NAALADL2: variants seen among roughly 807,000 people sequenced by gnomAD.
The protein encoded by NAALADL2 is inactive N-acetylated-alpha-linked acidic dipeptidase-like protein 2.
A neutral mutation model predicts 87.2 loss-of-function variants in NAALADL2; 76 were observed. The observed-to-expected ratio is 0.87, with a 90% CI of 0.72 to 1.05. The LOEUF (loss-of-function observed/expected upper bound fraction) is 1.05, where lower values mean the gene tolerates loss of function less well. Ranked by LOEUF, NAALADL2 falls within the 50% of genes least tolerant of loss-of-function variation. The pLI, the probability that NAALADL2 is intolerant of heterozygous loss-of-function variation, is 0.00. For missense variants in NAALADL2, 1,089 were observed against 945.8 expected (o/e 1.15, Z -1.99); for synonymous variants, 354 against 331.0 (o/e 1.07, Z -0.75).
Position 175,314,666 on chromosome 3 carries a change from CTATATATATATATATATATATATATATA to C in NAALADL2, c.940-9480_940-9453del, listed in dbSNP as rs60572633. Among the ~76,000 whole-genome samples, 234 of 30,770 alleles carry C rather than the reference CTATATATATATATATATATATATATATA, an allele frequency of 7.6e-3. 11 individuals are homozygous for C. The highest frequency in any genetic ancestry group is 0.02 in the African/African-American group (188 of 9,394). 20.2% of individuals were successfully genotyped at this position (30,770 alleles called of 152,430 possible). ...CGTTTTCTAGTATATATAGTTCTAA[CTATATATATATATATATATATATATATA>C]TATATATATATATATATATATATAT... is the stretch of plus-strand genomic sequence containing the variant. On this transcript the variant is annotated intron_variant, in intron 4 of 13. Coordinates refer to ENST00000454872, the MANE Select transcript of NAALADL2 (RefSeq NM_207015.3).
chr3:174,906,642 A>T (rs986960409), intron 1 of NAALADL2, among the ~76,000 whole-genome samples: 2 of 152,120 alleles, frequency 1.3e-5, no homozygotes, highest in Admixed American at 1.3e-4. Context: ...GCTTAGAAGC[A>T]GAATCAAACT....
chr3:175,166,041 T>A (rs79016413), intron 2 of NAALADL2, among the ~76,000 whole-genome samples: 14 of 27,590 alleles, frequency 5.1e-4, no homozygotes, highest in South Asian at 1.9e-3. Flanking sequence ...GACTCCATAT[T>A]TTTTTTTTTT....
intron 3 of NAALADL2, among the ~76,000 whole-genome samples, chr3:174,796,130 G>T (rs1315753287): frequency 3.3e-5 from 5 of 152,138 alleles, no homozygotes; most frequent in Non-Finnish European, 7.3e-5. Flanking sequence ...GAGATGCCTT[G>T]CACAGAAGAA....
chr3:175,098,645 C>G (rs1721577078), intron 2 of NAALADL2, among the ~76,000 whole-genome samples: 1 of 152,188 alleles, frequency 6.6e-6, no homozygotes, highest in Non-Finnish European at 1.5e-5. Context: ...GACTTACAAC[C>G]TGAGAAACTC....
chr3:175,001,270 T>C (rs1180854706), intron 1 of NAALADL2, among the ~76,000 whole-genome samples: 1 of 152,218 alleles, frequency 6.6e-6, no homozygotes, highest in Non-Finnish European at 1.5e-5. Context: ...AATCTGTATT[T>C]CTGACAAGCT....
intron 3 of NAALADL2, among the ~76,000 whole-genome samples, chr3:174,823,688 T>A (rs1467964651): frequency 6.6e-6 from 1 of 152,194 alleles, no homozygotes; most frequent in Non-Finnish European, 1.5e-5. Flanking sequence ...GTAACATAAG[T>A]TATTCTTTTT....
intron 5 of NAALADL2, among the ~76,000 whole-genome samples, chr3:175,388,192 G>C (rs992552775): frequency 2.0e-5 from 3 of 152,092 alleles, no homozygotes; most frequent in African/African-American, 7.2e-5. Flanking sequence ...ATTCAGAAGA[G>C]TCTGGTCATT....
intron 2 of NAALADL2, among the ~76,000 whole-genome samples, chr3:174,694,338 G>C (rs902069328): frequency 1.3e-5 from 2 of 152,054 alleles, no homozygotes; most frequent in African/African-American, 4.8e-5. Context: ...GAGGGTCATA[G>C]ATGGACCTGA....
At chr3:174,770,285 G>A (rs1455418411) in intron 3 of NAALADL2, among the ~76,000 whole-genome samples, 1 of 152,156 alleles carries the variant, frequency 6.6e-6, no homozygotes, top group African/African-American at 2.4e-5. Flanking sequence ...GATCTAATAG[G>A]TGACAAAAGT....
At chr3:175,518,515 A>T (rs1295094277) in intron 9 of NAALADL2, among the ~76,000 whole-genome samples, 1 of 152,214 alleles carries the variant, frequency 6.6e-6, no homozygotes, top group Non-Finnish European at 1.5e-5. Context: ...TAATTTATTT[A>T]AAAGGAAATT....
chr3:175,531,090 G>T (rs1266301738), intron 9 of NAALADL2, among the ~76,000 whole-genome samples: 2 of 152,128 alleles, frequency 1.3e-5, no homozygotes, highest in Admixed American at 1.3e-4. Context: ...GATCTGCTGG[G>T]TCATGTGGCC....
intron 6 of NAALADL2, among the ~76,000 whole-genome samples, chr3:175,457,899 T>C (rs1364900507): frequency 6.6e-6 from 1 of 152,076 alleles, no homozygotes; most frequent in African/African-American, 2.4e-5. Context: ...GGTATGATTT[T>C]TTTAATTTAC....
intron 1 of NAALADL2, among the ~76,000 whole-genome samples, chr3:174,938,023 G>C (rs559042091): frequency 8.6e-5 from 13 of 151,582 alleles, no homozygotes; most frequent in African/African-American, 3.1e-4. Context: ...TAGTTTTTTT[G>C]CTTTACATTT....
intron 4 of NAALADL2, among the ~76,000 whole-genome samples, chr3:175,270,159 T>C (rs1344999446): frequency 6.6e-6 from 1 of 152,168 alleles, no homozygotes; most frequent in Admixed American, 6.5e-5. Context: ...TGGGAGCTGA[T>C]TGAGTGGTTA....
chr3:175,377,623 G>A (rs970833947), intron 5 of NAALADL2, among the ~76,000 whole-genome samples: 5 of 152,096 alleles, frequency 3.3e-5, no homozygotes, highest in Non-Finnish European at 5.9e-5. Flanking sequence ...TGTGACCATG[G>A]CCCACAGTGA....
At chr3:175,727,067 C>T (rs1009150497) in intron 11 of NAALADL2, among the ~76,000 whole-genome samples, 1 of 152,084 alleles carries the variant, frequency 6.6e-6, no homozygotes, top group African/African-American at 2.4e-5. Context: ...TTGTTTATGT[C>T]TTCTTTCTTT....
chr3:175,030,136 A>T (rs955849973), intron 1 of NAALADL2, among the ~76,000 whole-genome samples: 1 of 151,968 alleles, frequency 6.6e-6, no homozygotes, highest in Non-Finnish European at 1.5e-5. Flanking sequence ...AATGCCTCTG[A>T]CCCTGAGATA....
At chr3:175,154,539 C>T (rs541506815) in intron 2 of NAALADL2, among the ~76,000 whole-genome samples, 12 of 151,964 alleles carry the variant, frequency 7.9e-5, no homozygotes, top group African/African-American at 2.4e-5. Flanking sequence ...AAATTATTAT[C>T]TGAAAAACAT....
At chr3:174,903,227 T>G (rs779011347) in intron 1 of NAALADL2, among the ~76,000 whole-genome samples, 1 of 152,096 alleles carries the variant, frequency 6.6e-6, no homozygotes, top group Non-Finnish European at 1.5e-5. Flanking sequence ...TTTGAATACA[T>G]TAGATATTAG....
Sources: gnomAD v4.1 joint callset for allele counts (sites outside exome capture counted in the v4.1 genomes callset) on GRCh38, gnomAD v4.1.1 for gene constraint, MANE v1.5 for transcripts, NCBI Gene and HGNC (gene_info 2026-07-23, HGNC 2026-07-21) for gene names.